Variants in DAB1 observed in about 807,000 individuals in gnomAD.
DAB1 encodes DAB adaptor protein 1.
A neutral mutation model predicts 64.6 loss-of-function variants in DAB1; 15 were observed. That is an observed-to-expected ratio of 0.23 (90% confidence interval 0.16 to 0.36). DAB1 has a LOEUF of 0.36. DAB1 is among the 10% of genes least tolerant of loss of function. The pLI is 1.00. For missense variants in DAB1, 596 were observed against 706.7 expected (o/e 0.84, Z 1.78); for synonymous variants, 235 against 251.9 (o/e 0.93, Z 0.64).
chr1:58,541,614 CAAA>C (rs60360589), intron 1 of DAB1: 27 of 65,632 alleles, frequency 4.1e-4, no homozygotes, highest in South Asian at 7.5e-4. Context: ...GAGAACCTGT[CAAA>C]AAAAAAAAAA....
At chr1:57,780,777 A>G (rs1442282440) in intron 6 of DAB1, among the ~76,000 whole-genome samples, 1 of 142,290 alleles carries the variant, frequency 7.0e-6, no homozygotes, top group Non-Finnish European at 1.5e-5. Context: ...TTTTTGAGAC[A>G]GAGTCTCACT....
intron 2 of DAB1, among the ~76,000 whole-genome samples, chr1:57,168,167 C>A (rs926879611): frequency 6.6e-6 from 1 of 152,178 alleles, no homozygotes; most frequent in African/African-American, 2.4e-5. Flanking sequence ...GACAAGATTA[C>A]TCTTCAGAGA....
chr1:58,154,232 C>T (rs1655096445), intron 4 of DAB1, among the ~76,000 whole-genome samples: 1 of 152,026 alleles, frequency 6.6e-6, no homozygotes, highest in Admixed American at 6.6e-5. Context: ...TACCCAAAAA[C>T]CCCTATCTGG....
chr1:58,542,604 T>A (rs1646639380), intron 1 of DAB1: 1 of 152,172 alleles, frequency 6.6e-6, no homozygotes, highest in Admixed American at 6.5e-5. Flanking sequence ...CTGTTTTAAA[T>A]GGGAAAGTGT....
Position 58,236,518 on chromosome 1 carries a change from C to G in DAB1, n.310-85930G>C, listed in dbSNP as rs1254753051. Among the ~76,000 whole-genome samples the G allele has an allele frequency of 3.9e-5, 6 of 152,202 alleles. No individual in the cohort carries two copies. In the East Asian group the frequency reaches 1.2e-3, roughly 29 times the overall value. On this transcript the variant is annotated intron_variant and non_coding_transcript_variant, in intron 4 of 20. Transcript: ENST00000485760. ...AAAGGCAGTGTTTCCTTCAAACAACCCAGAAGGCCAAATGCAAAAGTGCTC... is the reference window on the plus strand; with the variant it reads ...AAAGGCAGTGTTTCCTTCAAACAACGCAGAAGGCCAAATGCAAAAGTGCTC...
At chr1:57,824,890 C>T (rs1652277326), downstream of DAB1, among the ~76,000 whole-genome samples, 1 of 152,126 alleles carries the variant, frequency 6.6e-6, no homozygotes, top group Admixed American at 6.5e-5. Flanking sequence ...TGACAGGTGT[C>T]CTGCATGGAG....
At chr1:57,561,091 G>A (rs1645045472) in intron 7 of DAB1, among the ~76,000 whole-genome samples, 1 of 152,176 alleles carries the variant, frequency 6.6e-6, no homozygotes, top group Non-Finnish European at 1.5e-5. Flanking sequence ...GTTACATGAG[G>A]AAGTGGCTCA....
intron 6 of DAB1, among the ~76,000 whole-genome samples, chr1:57,663,843 A>T (rs139731372): frequency 0.016 from 2,509 of 152,276 alleles, 36 homozygotes; most frequent in Middle Eastern, 0.095. Flanking sequence ...ACTGAGAGAG[A>T]CCAAAGGCTG....
chr1:57,432,153 CAGAGTATCG>C (rs1479399182), intron 7 of DAB1, among the ~76,000 whole-genome samples: 3 of 150,894 alleles, frequency 2.0e-5, no homozygotes, highest in Admixed American at 6.6e-5. Context: ...CCAATGCTTA[CAGAGTATCG>C]AAAAAGAGAA....
intron 4 of DAB1, among the ~76,000 whole-genome samples, chr1:58,306,773 T>TGCA (rs1425469836): frequency 1.6e-4 from 24 of 152,222 alleles, no homozygotes; most frequent in Admixed American, 1.6e-3. Context: ...CCACCTTGTC[T>TGCA]GCAGCAGCAG....
At chr1:58,331,077 C>G (rs1159662765) in intron 4 of DAB1, among the ~76,000 whole-genome samples, 1 of 152,198 alleles carries the variant, frequency 6.6e-6, no homozygotes, top group Non-Finnish European at 1.5e-5. Flanking sequence ...ATTCCCTGTT[C>G]TAGATGCCAT....
chr1:57,556,272 AT>A (rs1226410639), intron 7 of DAB1, among the ~76,000 whole-genome samples: 1 of 152,058 alleles, frequency 6.6e-6, no homozygotes, highest in Non-Finnish European at 1.5e-5. Flanking sequence ...ATAATGACTT[AT>A]TTTCCTCTAG....
chr1:58,167,750 C>A (rs1025360781), intron 4 of DAB1, among the ~76,000 whole-genome samples: 2 of 152,210 alleles, frequency 1.3e-5, no homozygotes, highest in Admixed American at 1.3e-4. Flanking sequence ...GAGGAATAAA[C>A]AACTCCGGAC....
chr1:57,521,386 G>A (rs1644524548), intron 7 of DAB1, among the ~76,000 whole-genome samples: 1 of 152,160 alleles, frequency 6.6e-6, no homozygotes, highest in Admixed American at 6.5e-5. Context: ...CACCAGTCTC[G>A]TATATGCAGG....
At chr1:57,878,110 G>A (rs1644082388) in intron 1 of DAB1, among the ~76,000 whole-genome samples, 1 of 151,968 alleles carries the variant, frequency 6.6e-6, no homozygotes, top group African/African-American at 2.4e-5. Context: ...ATGTCCATAT[G>A]TCAATAACAA....
chr1:57,661,850 C>T (rs1646390119), intron 6 of DAB1, among the ~76,000 whole-genome samples: 1 of 151,424 alleles, frequency 6.6e-6, no homozygotes, highest in Non-Finnish European at 1.5e-5. Flanking sequence ...GTTGGTGGGA[C>T]CTGCAGTTAG....
intron 7 of DAB1, among the ~76,000 whole-genome samples, chr1:57,447,751 A>G (rs4445494): frequency 0.017 from 2,545 of 152,282 alleles, 62 homozygotes; most frequent in African/African-American, 0.054. Context: ...CCCAGCCTGC[A>G]GCAGCATCTC....
At chr1:58,546,709 A>C (rs1226912300) in exon 1 of DAB1, 1 of 152,160 alleles carries the variant, frequency 6.6e-6, no homozygotes, top group Non-Finnish European at 1.5e-5. Context: ...TGACTCAAGC[A>C]GAAGCGAAAG....
At chr1:58,143,864 G>A (rs1363410420) in intron 5 of DAB1, among the ~76,000 whole-genome samples, 1 of 152,188 alleles carries the variant, frequency 6.6e-6, no homozygotes. Flanking sequence ...CGCCCTGACA[G>A]TACCATATAT....
Sources: allele counts gnomAD v4.1 joint callset (sites outside exome capture counted in the v4.1 genomes callset), GRCh38; gene constraint gnomAD v4.1.1; transcripts MANE v1.5; gene names NCBI Gene and HGNC (gene_info 2026-07-23, HGNC 2026-07-21).